Variants in MYT1 observed in about 807,000 individuals in gnomAD.
MYT1 encodes myelin transcription factor I.
Under a neutral mutation model 123.0 loss-of-function variants are expected in MYT1, and 23 were observed. The ratio of observed to expected loss-of-function variants is 0.19; its 90% confidence interval spans 0.13 to 0.26. The LOEUF is 0.26. Among genes scored for constraint, MYT1 ranks in the 10% least tolerant of loss-of-function variants. The pLI is 1.00. For synonymous variants in MYT1, 518 were observed against 575.3 expected, an observed-to-expected ratio of 0.90 and a Z score of 1.43; for missense variants, 1,125 against 1,472.5, an observed-to-expected ratio of 0.76 and a Z score of 3.86.
In MYT1 at chr20:64,199,893, A is replaced by T. The variant is rs753917257; in HGVS notation, c.57A>T (p.Gly19=). The T allele has an allele frequency of 3.7e-6, 6 of 1,613,836 alleles. No individual in the cohort carries two copies. In the African/African-American group the frequency reaches 8.0e-5, roughly 22 times the overall value. The change falls in exon 4 of 23, where the codon GGA becomes GGT. Residue 19 remains glycine, a splice_region_variant and synonymous_variant. Transcript: ENST00000328439. ...RARTRSKALR[G]PPETTAADLS... is the part of the protein sequence containing the mutation. ...TCCCTGTTTCTGTCTTTTTCCCAGG[A>T]CCCCCAGAGACCACAGCTGCAGACC...
intron 1 of MYT1, among the ~76,000 whole-genome samples, chr20:64,172,741 CTTT>C (rs33943131): frequency 3.1e-5 from 3 of 95,556 alleles, no homozygotes; most frequent in African/African-American, 8.5e-5. Context: ...GCCATACCCT[CTTT>C]TTTTTTTTTT....
At chr20:64,170,548 CTGTTCCTTCTTGA>C (rs1358010853) in intron 1 of MYT1, among the ~76,000 whole-genome samples, 2 of 152,066 alleles carry the variant, frequency 1.3e-5, no homozygotes, top group Non-Finnish European at 2.9e-5. Context: ...TTCCTCCACT[CTGTTCCTTCTTGA>C]GGTTGAGCCC....
chr20:64,227,689 C>T (rs1049697866), intron 17 of MYT1, among the ~76,000 whole-genome samples, 199 bp from the exon 18 acceptor site: 1 of 152,196 alleles, frequency 6.6e-6, no homozygotes. Context: ...CGTGGTAATG[C>T]TTCTCCTTCC....
At position 64,190,721 on chromosome 20, in the gene MYT1, C is replaced by A. The variant is rs976530513; in HGVS notation, c.-1+561C>A. Among the ~76,000 whole-genome samples the A allele has an allele frequency of 6.9e-6, 1 of 145,298 alleles. No homozygotes were observed. Among genetic ancestry groups the A allele is most frequent in the Non-Finnish European group, 1.5e-5 (1 of 67,274 alleles). ...TGGTGGCTTTTATCTCTAATCCCAGCACTTTGGGAGGCTGAGGCAGGTGGA... is the reference window on the plus strand; with the variant it reads ...TGGTGGCTTTTATCTCTAATCCCAGAACTTTGGGAGGCTGAGGCAGGTGGA... On this transcript the variant is annotated intron_variant, in intron 2 of 22. Coordinates refer to ENST00000328439, the MANE Select transcript of MYT1 (RefSeq NM_004535.3). The surrounding 1 kb of genome is among the most constrained non-coding windows in gnomAD (Gnocchi z 4.1).
At chr20:64,227,063 C>T (rs910892385) in intron 16 of MYT1, among the ~76,000 whole-genome samples, 2 of 152,256 alleles carry the variant, frequency 1.3e-5, no homozygotes, top group African/African-American at 2.4e-5. Context: ...GGGAGCCCTT[C>T]GTGTCCTTGG....
chr20:64,218,786 C>A lies in MYT1; in HGVS notation c.1847-125C>A. The A allele has an allele frequency of 1.5e-6, 2 of 1,301,762 alleles. No homozygotes were observed. The highest frequency in any genetic ancestry group is 2.4e-5 in the East Asian group (1 of 41,730). The allele number at this position is 1,301,762 out of a possible 1,614,324, so 80.6% of individuals were successfully genotyped here. On this transcript the variant is annotated intron_variant, in intron 11 of 22. Transcript: ENST00000328439. The surrounding 1 kb of genome is among the most constrained non-coding windows in gnomAD (Gnocchi z 4.0). ...CACTGACTTGTCTGCATTGCTGCCT[C>A]TTTTCAAGTTGTATATCAGCCTGGT... is the stretch of plus-strand genomic sequence containing the variant.
chr20:64,205,168 G>A, intron 5 of MYT1, 71 bp downstream of exon 5: 1 of 1,544,150 alleles, frequency 6.5e-7, no homozygotes, highest in Non-Finnish European at 8.9e-7. Context: ...CTCTGCAGAT[G>A]GAGAACTTTC....
rs1393684408 is a variant in MYT1 at position 64,189,123 on chromosome 20, A to G, written c.-98-940A>G. Reference sequence around the variant, plus strand: ...GGAGTGGCCAGAACCCTAGAGAAGAATTGCATTTGGGGATGCACATCAAAA... The same window carrying G: ...GGAGTGGCCAGAACCCTAGAGAAGAGTTGCATTTGGGGATGCACATCAAAA... On this transcript the variant is annotated intron_variant, in intron 1 of 22. Coordinates refer to ENST00000328439, the MANE Select transcript of MYT1 (RefSeq NM_004535.3). This position sits in a 1 kb window ranked among gnomAD's most constrained non-coding sequence, Gnocchi z 5.5. Among the ~76,000 whole-genome samples, 1 of 152,228 alleles carries G rather than the reference A, an allele frequency of 6.6e-6. No homozygotes were observed. Among genetic ancestry groups the G allele is most frequent in the Non-Finnish European group, 1.5e-5 (1 of 68,026 alleles).
intron 1 of MYT1, among the ~76,000 whole-genome samples, chr20:64,179,303 C>T (rs569403715): frequency 1.3e-5 from 2 of 152,310 alleles, no homozygotes; most frequent in South Asian, 2.1e-4. Flanking sequence ...CAGTGTTGCC[C>T]GTGATGCAGG....
rs142152276 is a variant in MYT1 at position 64,177,804 on chromosome 20, C to T, written c.-98-12259C>T. The stretch of plus-strand genomic sequence containing the variant: ...ACCTTCCCCTCAGCCCCATGGGACC[C>T]GCAGTTTCTAGGGCATGGGTTCCAC... On this transcript the variant is annotated intron_variant, in intron 1 of 22. Coordinates refer to ENST00000328439, the MANE Select transcript of MYT1 (RefSeq NM_004535.3). Among the ~76,000 whole-genome samples the T allele has an allele frequency of 4.4e-3, 673 of 152,278 alleles. 4 individuals carry two copies. Among genetic ancestry groups the T allele is most frequent in the African/African-American group, 0.016 (648 of 41,562 alleles).
intron 1 of MYT1, among the ~76,000 whole-genome samples, chr20:64,169,592 A>G (rs1237402123): frequency 6.6e-6 from 1 of 152,184 alleles, no homozygotes; most frequent in Non-Finnish European, 1.5e-5. Context: ...CCTCCCAGTT[A>G]CTGCTGACTG....
chr20:64,204,546 A>G (rs781772527), intron 4 of MYT1, among the ~76,000 whole-genome samples: 4 of 152,176 alleles, frequency 2.6e-5, no homozygotes, highest in Admixed American at 6.5e-5. Flanking sequence ...TCTGCCTGTC[A>G]GTCCTGGCTC....
Position 64,191,278 on chromosome 20 carries a change from C to T in MYT1, c.-1+1118C>T, listed in dbSNP as rs1001714039. Among the ~76,000 whole-genome samples the T allele has an allele frequency of 3.9e-5, 6 of 152,118 alleles. No individual in the cohort carries two copies. The highest frequency in any genetic ancestry group is 1.2e-4 in the African/African-American group (5 of 41,386). ...TAAGATCTCCCTTCGGGGACACTCC[C>T]GAACTGTGACATCACATGTGCTTAC... On this transcript the variant is annotated intron_variant, in intron 2 of 22. Transcript: ENST00000328439. The surrounding 1 kb of genome is among the most constrained non-coding windows in gnomAD (Gnocchi z 4.1).
intron 4 of MYT1, among the ~76,000 whole-genome samples, chr20:64,204,099 C>T (rs955013453): frequency 1.3e-5 from 2 of 152,158 alleles, no homozygotes; most frequent in African/African-American, 2.4e-5. Context: ...TGGATGCATC[C>T]GACAGCCCAC....
chr20:64,175,234 C>T (rs200254597), intron 1 of MYT1, among the ~76,000 whole-genome samples: 26 of 6,158 alleles, frequency 4.2e-3, no homozygotes, highest in Admixed American at 8.0e-3. Context: ...GCTTCTCCTG[C>T]AGCATCTTTC....
chr20:64,226,382 C>T (rs745389877), intron 16 of MYT1, among the ~76,000 whole-genome samples: 10 of 152,220 alleles, frequency 6.6e-5, no homozygotes, highest in African/African-American at 1.2e-4. Context: ...GTCCCAGTGG[C>T]CGGATGTCAC....
Position 64,208,008 on chromosome 20 carries a change from A to G in MYT1, c.812A>G (p.Glu271Gly). 6.3e-7 allele frequency: 1 copy of G among 1,598,804 alleles called. No homozygotes were observed. Among genetic ancestry groups the G allele is most frequent in the Non-Finnish European group, 8.5e-7 (1 of 1,173,208 alleles). ...GAGGAGGAGGAGGAGGAAGAGGAGG[A>G]GGAGGAGGATGAAGAAGAGGAAGAG... ...DEEEEEEEEE[E>G]EEDEEEEEEE... Residue 271 changes from glutamate (E) to glycine (G), a missense_variant, in exon 7 of 23, where the codon GAG becomes GGG. By Grantham distance (98) the Glu-to-Gly change is moderately conservative. This residue lies in a region of MYT1 where 406 missense variants were observed against 432.2 expected (regional missense o/e 0.94). Coordinates refer to ENST00000328439, the MANE Select transcript of MYT1 (RefSeq NM_004535.3). This position sits in a 1 kb window ranked among gnomAD's most constrained non-coding sequence, Gnocchi z 5.4.
At position 64,196,942 on chromosome 20, in the gene MYT1, A is replaced by C. The variant is rs532050132; in HGVS notation, c.1-1920A>C. 5.3e-5 allele frequency among the ~76,000 whole-genome samples: 8 copies of C among 152,370 alleles called. No individual in the cohort carries two copies. Among genetic ancestry groups the C allele is most frequent in the Admixed American group, 2.0e-4 (3 of 15,310 alleles). The stretch of plus-strand genomic sequence containing the variant: ...CATTTCAGCTGAGTGCAGGCACCGC[A>C]CAAGTCCCATTGTACGTCCTGCATC... On this transcript the variant is annotated intron_variant, in intron 2 of 22. Transcript: ENST00000328439. The surrounding 1 kb of genome is among the most constrained non-coding windows in gnomAD (Gnocchi z 4.3).
At chr20:64,182,951 G>A (rs891384010) in intron 1 of MYT1, among the ~76,000 whole-genome samples, 4 of 152,232 alleles carry the variant, frequency 2.6e-5, no homozygotes, top group South Asian at 2.1e-4. Context: ...TTTAGCGTAC[G>A]TGTAGGGTTG....
Sources: allele counts gnomAD v4.1 joint callset (sites outside exome capture counted in the v4.1 genomes callset), GRCh38; gene constraint gnomAD v4.1.1; regional missense constraint gnomAD v4.1.1; non-coding constraint Gnocchi (gnomAD v3.1); transcripts MANE v1.5; gene names NCBI Gene and HGNC (gene_info 2026-07-23, HGNC 2026-07-21).